The following CAST variants were observed in gnomAD, a reference collection of about 807,000 sequenced individuals.
CAST encodes MIR583 host.
A neutral mutation model predicts 119.6 loss-of-function variants in CAST; 76 were observed. That is an observed-to-expected ratio of 0.64 (90% CI 0.53 to 0.77). CAST has a LOEUF of 0.77. Ranked by LOEUF, CAST falls within the 30% of genes least tolerant of loss-of-function variation. The pLI is 0.00. For synonymous variants in CAST, 319 were observed against 331.6 expected, an observed-to-expected ratio of 0.96 and a Z score of 0.41; for missense variants, 953 against 946.5, an observed-to-expected ratio of 1.01 and a Z score of -0.09.
the CAST span, among the ~76,000 whole-genome samples, chr5:96,305,090 T>C: frequency 2.0e-5 from 3 of 152,222 alleles, no homozygotes; most frequent in Non-Finnish European, 4.4e-5. Context: ...GAGCATGGAA[T>C]GTTTTTCCAT....
chr5:96,655,007 T>C (rs960247477), intron 1 of CAST, among the ~76,000 whole-genome samples: 4 of 152,232 alleles, frequency 2.6e-5, no homozygotes, highest in African/African-American at 9.6e-5. Context: ...AGTTAATTTC[T>C]TGATGTATAG....
At chr5:96,652,111 C>G (rs1580858871) in intron 1 of CAST, among the ~76,000 whole-genome samples, 1 of 152,176 alleles carries the variant, frequency 6.6e-6, no homozygotes, top group Non-Finnish European at 1.5e-5. Flanking sequence ...ATCCAAAACC[C>G]CTGCTTTTCA....
chr5:96,741,411 T>A, intron 14 of CAST, 53 bp downstream of exon 14: 1 of 1,480,390 alleles, frequency 6.8e-7, no homozygotes. Flanking sequence ...TTTTGAACTT[T>A]AAAAGAATAA....
the CAST span, among the ~76,000 whole-genome samples, chr5:96,069,406 T>TATGTGC: frequency 6.6e-6 from 1 of 151,504 alleles, no homozygotes; most frequent in Non-Finnish European, 1.5e-5. Flanking sequence ...TGTGTGTGTG[T>TATGTGC]GTCTATGTGT....
At chr5:96,265,561 C>A in the CAST span, among the ~76,000 whole-genome samples, 4 of 152,072 alleles carry the variant, frequency 2.6e-5, no homozygotes, top group East Asian at 7.7e-4. Context: ...TGCCCTTCCT[C>A]TACCTTTTTG....
the CAST span, among the ~76,000 whole-genome samples, chr5:96,224,583 A>G: frequency 6.6e-6 from 1 of 152,186 alleles, no homozygotes; most frequent in Non-Finnish European, 1.5e-5. Context: ...GCTGGAAGAC[A>G]TAAGGATCCG....
At chr5:96,436,259 T>C in the CAST span, among the ~76,000 whole-genome samples, 2 of 152,142 alleles carry the variant, frequency 1.3e-5, no homozygotes, top group African/African-American at 2.4e-5. Context: ...AAAATAACAA[T>C]ATTTGTGTGG....
At chr5:96,195,472 A>G in the CAST span, among the ~76,000 whole-genome samples, 1 of 152,214 alleles carries the variant, frequency 6.6e-6, no homozygotes, top group South Asian at 2.1e-4. Context: ...GAAAACAGAC[A>G]AAGTGAACTG....
chr5:96,410,134 A>G, the CAST span, among the ~76,000 whole-genome samples: 1 of 152,104 alleles, frequency 6.6e-6, no homozygotes, highest in Non-Finnish European at 1.5e-5. Flanking sequence ...ATGCCCCTCC[A>G]TCGTCATGCC....
chr5:96,294,206 A>T, the CAST span, among the ~76,000 whole-genome samples: 1 of 152,206 alleles, frequency 6.6e-6, no homozygotes, highest in African/African-American at 2.4e-5. Context: ...CTATGCATTG[A>T]CTTGGGCTGT....
chr5:96,187,286 TA>T, the CAST span, among the ~76,000 whole-genome samples: 387 of 151,408 alleles, frequency 2.6e-3, 3 homozygotes, highest in African/African-American at 8.9e-3. Flanking sequence ...TTAATTTTTT[TA>T]AAAAAAACAG....
the CAST span, among the ~76,000 whole-genome samples, chr5:96,106,898 T>C: frequency 7.3e-6 from 1 of 136,328 alleles, no homozygotes; most frequent in Non-Finnish European, 1.6e-5. Flanking sequence ...TTTATGAATC[T>C]GGGTGCTCCT....
the CAST span, among the ~76,000 whole-genome samples, chr5:96,169,699 C>T: frequency 6.6e-6 from 1 of 151,814 alleles, no homozygotes; most frequent in Non-Finnish European, 1.5e-5. Context: ...GATCGGTCAC[C>T]AAGGAGGGAA....
chr5:96,438,464 T>C, the CAST span, among the ~76,000 whole-genome samples: 1,704 of 152,322 alleles, frequency 0.011, 28 homozygotes, highest in African/African-American at 0.04. Flanking sequence ...CTATTGCATT[T>C]GGTTATTATG....
chr5:96,067,759 C>T, the CAST span, among the ~76,000 whole-genome samples: 1 of 152,088 alleles, frequency 6.6e-6, no homozygotes, highest in Non-Finnish European at 1.5e-5. Flanking sequence ...AGATTTGACT[C>T]CCTTTAATCT....
At chr5:96,740,901 G>A in intron 13 of CAST, 118 bp downstream of exon 13, 1 of 725,256 alleles carries the variant, frequency 1.4e-6, no homozygotes, top group Non-Finnish European at 2.4e-6. Context: ...CAAATCAAAT[G>A]GAGTTTCTGT....
At chr5:96,568,801 A>G (rs1746522649) in intron 1 of CAST, among the ~76,000 whole-genome samples, 2 of 152,078 alleles carry the variant, frequency 1.3e-5, no homozygotes, top group Admixed American at 6.5e-5. Flanking sequence ...CCAGCTCTCC[A>G]CCAATAGCTA....
intron 4 of CAST, among the ~76,000 whole-genome samples, chr5:96,725,223 T>C (rs1759040190): frequency 6.6e-6 from 1 of 152,238 alleles, no homozygotes; most frequent in Non-Finnish European, 1.5e-5. Context: ...CCTGGTTCCA[T>C]ATCAGCTGTG....
upstream of CAST, among the ~76,000 whole-genome samples, chr5:96,520,527 G>A (rs1053567352): frequency 7.2e-5 from 11 of 152,016 alleles, no homozygotes; most frequent in Middle Eastern, 6.8e-3. Context: ...GTTTGTGTCA[G>A]TGTGTGTGTG....
Sources: gnomAD v4.1 joint callset for allele counts (sites outside exome capture counted in the v4.1 genomes callset) on GRCh38, gnomAD v4.1.1 for gene constraint, MANE v1.5 for transcripts, NCBI Gene and HGNC (gene_info 2026-07-23, HGNC 2026-07-21) for gene names.